ESYT2: variants seen among roughly 807,000 people sequenced by gnomAD.
The protein encoded by ESYT2 is extended synaptotagmin-2.
In ESYT2, 54 loss-of-function variants were observed where a neutral mutation model predicts 107.2. That is an observed-to-expected ratio of 0.50 (90% CI 0.40 to 0.63). ESYT2 has a LOEUF of 0.63. ESYT2 is among the 30% of genes least tolerant of loss of function. The pLI is 0.00. For missense variants in ESYT2, 1,020 were observed against 1,094.5 expected, an observed-to-expected ratio of 0.93 and a Z score of 0.96; for synonymous variants, 491 against 434.1, an observed-to-expected ratio of 1.13 and a Z score of -1.63.
In ESYT2 at chr7:158,761,538, C is replaced by CATA. The variant is rs772859461; in HGVS notation, c.1188_1190dup (p.Leu396_Met397insIle). 3 of 1,613,680 alleles carry CATA rather than the reference C, an allele frequency of 1.9e-6. No homozygotes were observed. Among genetic ancestry groups the CATA allele is most frequent in the Non-Finnish European group, 2.5e-6 (3 of 1,179,664 alleles). ...CCTTTTCAACTTCAATGAGGTCAATCATAAGACTATAAAAATAACAATACG... is the reference window on the plus strand; with the variant it reads ...CCTTTTCAACTTCAATGAGGTCAATCATAATAAGACTATAAAAATAACAATACG... On this transcript the variant is annotated inframe_insertion, in exon 11 of 23. Transcript: ENST00000275418.
chr7:158,815,432 C>T (rs972265253), intron 1 of ESYT2, among the ~76,000 whole-genome samples: 3 of 151,030 alleles, frequency 2.0e-5, no homozygotes, highest in Non-Finnish European at 4.4e-5. Context: ...ATCTATCTTC[C>T]TTCCTCCCCA....
Position 158,767,671 on chromosome 7 carries a change from G to T in ESYT2, c.907C>A (p.Arg303=), listed in dbSNP as rs772699152. 1 of 1,611,594 alleles carries T rather than the reference G, an allele frequency of 6.2e-7. No homozygotes were observed. The highest frequency in any genetic ancestry group is 8.5e-7 in the Non-Finnish European group (1 of 1,178,772). ...ACGCTTACCTTTGGTACAGGAAACCGCAACTGAGCTATTTGAACTTCACTG... is the reference window on the plus strand; with the variant it reads ...ACGCTTACCTTTGGTACAGGAAACCTCAACTGAGCTATTTGAACTTCACTG... ...LVSEVQIAQL[R]FPVPKGVLRI... Residue 303 remains arginine (R), a synonymous_variant, in exon 8 of 23, where the codon CGG becomes AGG. Coordinates refer to ENST00000275418, the MANE Select transcript of ESYT2 (RefSeq NM_001367773.1).
intron 4 of ESYT2, among the ~76,000 whole-genome samples, chr7:158,792,764 G>GTTTTT (rs35348712): frequency 1.2e-4 from 14 of 117,792 alleles, no homozygotes; most frequent in Non-Finnish European, 1.7e-4. Flanking sequence ...ATAACGTGGG[G>GTTTTT]TTTTTTTTTT....
intron 8 of ESYT2, 123 bp downstream of exon 8, chr7:158,767,531 A>G (rs77456707): frequency 0.055 from 72,511 of 1,314,292 alleles, 2,357 homozygotes; most frequent in Middle Eastern, 0.075. Context: ...CAATGCATCA[A>G]GACCCGTGTG....
At chr7:158,826,553 T>G (rs192191822) in intron 1 of ESYT2, among the ~76,000 whole-genome samples, 165 of 152,070 alleles carry the variant, frequency 1.1e-3, no homozygotes, top group Non-Finnish European at 2.0e-3. Flanking sequence ...CTGGGCGCAG[T>G]GGCTCACACC....
chr7:158,743,804 G>A, intron 16 of ESYT2, 126 bp from the exon 17 acceptor site: 1 of 1,131,938 alleles, frequency 8.8e-7, no homozygotes, highest in South Asian at 1.8e-5. Flanking sequence ...AAAGGGGCCA[G>A]GTGGGGTGGC....
chr7:158,778,787 A>G (rs1369928997), intron 6 of ESYT2, among the ~76,000 whole-genome samples: 1 of 151,926 alleles, frequency 6.6e-6, no homozygotes, highest in Non-Finnish European at 1.5e-5. Flanking sequence ...CTACTTTTTT[A>G]TATCGTGTAT....
intron 21 of ESYT2, among the ~76,000 whole-genome samples, chr7:158,734,910 C>A (rs1290068101): frequency 6.6e-6 from 1 of 152,204 alleles, no homozygotes; most frequent in East Asian, 1.9e-4. Flanking sequence ...TCTGAAGGCT[C>A]TTACTTTTTC....
intron 1 of ESYT2, among the ~76,000 whole-genome samples, chr7:158,818,407 G>C (rs941761377): frequency 2.0e-5 from 3 of 152,190 alleles, no homozygotes; most frequent in African/African-American, 4.8e-5. Context: ...ACACATACTT[G>C]CAAGTGTTAA....
chr7:158,773,161 T>A (rs1269048511), intron 7 of ESYT2, among the ~76,000 whole-genome samples, 180 bp downstream of exon 7: 1 of 151,980 alleles, frequency 6.6e-6, no homozygotes, highest in African/African-American at 2.4e-5. Context: ...TCCCAGCAGC[T>A]CCCGGCAGGC....
chr7:158,812,441 A>G (rs1439513752), intron 1 of ESYT2, among the ~76,000 whole-genome samples: 2 of 152,210 alleles, frequency 1.3e-5, no homozygotes, highest in Admixed American at 6.5e-5. Flanking sequence ...CAGCAATAAC[A>G]ATAAAAACAG....
chr7:158,738,440 T>C (rs1352998943), intron 19 of ESYT2, among the ~76,000 whole-genome samples: 2 of 151,904 alleles, frequency 1.3e-5, no homozygotes, highest in East Asian at 1.9e-4. Flanking sequence ...TGTAGGCAAT[T>C]GTGACATATT....
intron 20 of ESYT2, among the ~76,000 whole-genome samples, chr7:158,735,864 A>G (rs1836924356): frequency 6.6e-6 from 1 of 152,142 alleles, no homozygotes; most frequent in Admixed American, 6.5e-5. Flanking sequence ...TGGCTCACTC[A>G]CGGGTGGGTG....
chr7:158,756,914 TA>T (rs201326042), intron 13 of ESYT2, among the ~76,000 whole-genome samples: 11,494 of 98,590 alleles, frequency 0.12, 466 homozygotes, highest in African/African-American at 0.16. Flanking sequence ...CATCTCAAAT[TA>T]AAAAAAAAAA....
At chr7:158,785,787 C>T (rs933052935) in intron 6 of ESYT2, among the ~76,000 whole-genome samples, 2 of 152,296 alleles carry the variant, frequency 1.3e-5, no homozygotes, top group South Asian at 2.1e-4. Context: ...ACTCCAACTT[C>T]GTCACCTCAG....
intron 1 of ESYT2, among the ~76,000 whole-genome samples, chr7:158,805,123 T>C (rs1839787826): frequency 2.0e-5 from 3 of 152,194 alleles, no homozygotes; most frequent in Admixed American, 2.0e-4. Flanking sequence ...TCCCCACAGC[T>C]GGGCTGCTGA....
At chr7:158,789,753 G>C (rs1321642102) in intron 4 of ESYT2, among the ~76,000 whole-genome samples, 1 of 152,176 alleles carries the variant, frequency 6.6e-6, no homozygotes, top group Non-Finnish European at 1.5e-5. Context: ...TCACAACAAA[G>C]CAGAATGCAT....
chr7:158,759,764 A>G (rs915760030), intron 12 of ESYT2, among the ~76,000 whole-genome samples, 183 bp from the exon 13 acceptor site: 5 of 152,226 alleles, frequency 3.3e-5, no homozygotes, highest in Admixed American at 1.3e-4. Flanking sequence ...TATTCCATAT[A>G]TAAGTCAATT....
intron 1 of ESYT2, among the ~76,000 whole-genome samples, chr7:158,801,283 C>A (rs1839635533): frequency 6.6e-6 from 1 of 152,166 alleles, no homozygotes; most frequent in African/African-American, 2.4e-5. Flanking sequence ...TTAGAATTTA[C>A]ACAAAGTGGC....
Sources: allele counts gnomAD v4.1 joint callset (sites outside exome capture counted in the v4.1 genomes callset), GRCh38; gene constraint gnomAD v4.1.1; transcripts MANE v1.5; gene names NCBI Gene and HGNC (gene_info 2026-07-23, HGNC 2026-07-21).